Variants in HS6ST3 observed in about 807,000 individuals in gnomAD.
HS6ST3 encodes heparan-sulfate 6-O-sulfotransferase 3.
A neutral mutation model predicts 36.7 loss-of-function variants in HS6ST3; 12 were observed. That is an observed-to-expected ratio of 0.33 (90% confidence interval 0.21 to 0.53). The LOEUF (loss-of-function observed/expected upper bound fraction) is 0.53. Ranked by LOEUF, HS6ST3 falls within the 20% of genes least tolerant of loss-of-function variation. The pLI is 0.95. For synonymous variants in HS6ST3, 240 were observed against 257.5 expected, an observed-to-expected ratio of 0.93 and a Z score of 0.65; for missense variants, 584 against 640.9, an observed-to-expected ratio of 0.91 and a Z score of 0.96.
chr13:96,104,892 C>T (rs1269673371), intron 1 of HS6ST3, among the ~76,000 whole-genome samples: 1 of 152,096 alleles, frequency 6.6e-6, no homozygotes, highest in Non-Finnish European at 1.5e-5. Context: ...TAAAATCCTT[C>T]TTTTTCATGA....
intron 1 of HS6ST3, among the ~76,000 whole-genome samples, chr13:96,686,095 G>T (rs1179922281): frequency 6.6e-6 from 1 of 151,874 alleles, no homozygotes; most frequent in Admixed American, 6.6e-5. Context: ...GGAGGAAGGC[G>T]TTTGCCTGCA....
chr13:96,164,531 T>G (rs1372075751), intron 1 of HS6ST3, among the ~76,000 whole-genome samples: 2 of 151,062 alleles, frequency 1.3e-5, no homozygotes, highest in Non-Finnish European at 2.9e-5. Flanking sequence ...CACTCTAGCC[T>G]GGGAGACAGA....
At chr13:96,142,657 A>G (rs775094291) in intron 1 of HS6ST3, among the ~76,000 whole-genome samples, 8 of 152,192 alleles carry the variant, frequency 5.3e-5, no homozygotes, top group Non-Finnish European at 8.8e-5. Flanking sequence ...GGTAGTTATG[A>G]TACACGGGAA....
At chr13:96,344,454 T>C (rs1179867571) in intron 1 of HS6ST3, among the ~76,000 whole-genome samples, 2 of 152,206 alleles carry the variant, frequency 1.3e-5, no homozygotes, top group Non-Finnish European at 2.9e-5. Context: ...TAGCTGATGG[T>C]CAAAACGCCA....
At chr13:96,660,148 T>C (rs2056641447) in intron 1 of HS6ST3, among the ~76,000 whole-genome samples, 2 of 152,120 alleles carry the variant, frequency 1.3e-5, no homozygotes, top group Non-Finnish European at 2.9e-5. Flanking sequence ...AGAAAGCCTC[T>C]ATTTTGTAGT....
At chr13:96,281,578 A>T (rs1314031401) in intron 1 of HS6ST3, among the ~76,000 whole-genome samples, 1 of 152,202 alleles carries the variant, frequency 6.6e-6, no homozygotes, top group Non-Finnish European at 1.5e-5. Context: ...AAATAGCCAT[A>T]CTGTCACCAG....
rs375369063 is a variant in HS6ST3 at position 96,540,399 on chromosome 13, C to T, written c.708-292091C>T. Among the ~76,000 whole-genome samples the T allele has an allele frequency of 1.2e-4, 19 of 152,198 alleles. 1 individual carries two copies. The highest frequency in any genetic ancestry group is 8.5e-4 in the Admixed American group (13 of 15,296). ...TTTATCATAAGCTTGTGAATGTATA[C>T]ATCTGTTTGTCTTTTGCTTGCTTAA... is the stretch of plus-strand genomic sequence containing the variant. On this transcript the variant is annotated intron_variant, in intron 1 of 1. Transcript: ENST00000376705.
chr13:96,791,572 G>A (rs1877795115), intron 1 of HS6ST3, among the ~76,000 whole-genome samples: 1 of 152,016 alleles, frequency 6.6e-6, no homozygotes, highest in Admixed American at 6.6e-5. Context: ...AAAAAGTAAT[G>A]TGTGTTATTT....
At chr13:96,124,587 T>C (rs527545556) in intron 1 of HS6ST3, among the ~76,000 whole-genome samples, 3 of 152,176 alleles carry the variant, frequency 2.0e-5, no homozygotes, top group Non-Finnish European at 4.4e-5. Context: ...GGATGGATGA[T>C]TCTTTGGTAT....
chr13:96,574,419 T>G (rs1252174477), intron 1 of HS6ST3: 5 of 517,522 alleles, frequency 9.7e-6, no homozygotes, highest in African/African-American at 2.0e-5. Flanking sequence ...AAGGTGACAA[T>G]CAGTTTTGCA....
rs143908556 is a variant in HS6ST3, at chr13:96,657,449, A to C, written c.708-175041A>C. 2.4e-4 allele frequency among the ~76,000 whole-genome samples: 36 copies of C among 152,220 alleles called. No homozygotes were observed. The East Asian group carries it at 5.1e-3, about 21-fold the overall frequency. ...AGTGGGAGGATCGCTTGAACCTGGG[A>C]GGTCAAAGATGCAGTGAGCTGAGAT... On this transcript the variant is annotated intron_variant, in intron 1 of 1. Transcript: ENST00000376705.
chr13:96,650,550 A>T lies in HS6ST3; in HGVS notation c.708-181940A>T, dbSNP rs998962324. 2.0e-5 allele frequency among the ~76,000 whole-genome samples: 3 copies of T among 152,042 alleles called. No individual in the cohort carries two copies. The East Asian group carries it at 5.8e-4, about 29-fold the overall frequency. On this transcript the variant is annotated intron_variant, in intron 1 of 1. Coordinates refer to ENST00000376705, the MANE Select transcript of HS6ST3 (RefSeq NM_153456.4). ...TGAGGCTGGGATGAGGGATTTGTTT[A>T]TCTGAAACAACCAAGAACAGAAAGA...
In HS6ST3 at chr13:96,380,236, T is replaced by C. The variant is rs906802189; in HGVS notation, c.707+288667T>C. On this transcript the variant is annotated intron_variant, in intron 1 of 1. Coordinates refer to ENST00000376705, the MANE Select transcript of HS6ST3 (RefSeq NM_153456.4). ...GTGTTCCCAGATGACATATGAATCT[T>C]ATAACAGATACTAGTTTTAAGTTAG... Among the ~76,000 whole-genome samples, 5 of 151,624 alleles carry C rather than the reference T, an allele frequency of 3.3e-5. No individual in the cohort carries two copies. In the Admixed American group the frequency reaches 3.3e-4, roughly 10 times the overall value.
At chr13:96,532,326 A>C (rs1187699518) in intron 1 of HS6ST3, among the ~76,000 whole-genome samples, 1 of 152,250 alleles carries the variant, frequency 6.6e-6, no homozygotes. Context: ...CCCGATGAGA[A>C]ATACAAGGCT....
chr13:96,746,986 C>T (rs1594850812), intron 1 of HS6ST3, among the ~76,000 whole-genome samples: 3 of 152,134 alleles, frequency 2.0e-5, no homozygotes, highest in Middle Eastern at 3.4e-3. Context: ...TAATATTTTT[C>T]AAAAAGCTTT....
intron 1 of HS6ST3, among the ~76,000 whole-genome samples, chr13:96,799,748 T>A (rs1276352720): frequency 6.7e-6 from 1 of 150,346 alleles, no homozygotes; most frequent in South Asian, 2.1e-4. Context: ...AACCTGCACA[T>A]TGTGCACATG....
chr13:96,526,216 G>A (rs1594800036), intron 1 of HS6ST3, among the ~76,000 whole-genome samples: 1 of 152,128 alleles, frequency 6.6e-6, no homozygotes, highest in Non-Finnish European at 1.5e-5. Context: ...AGATCCAGGG[G>A]GGACACAGGT....
intron 1 of HS6ST3, among the ~76,000 whole-genome samples, chr13:96,108,753 A>G (rs997559098): frequency 9.9e-5 from 15 of 152,222 alleles, no homozygotes; most frequent in African/African-American, 3.6e-4. Context: ...AAGAGAGCAG[A>G]AAATAAAAAA....
At chr13:96,602,607 C>T (rs1427427885) in intron 1 of HS6ST3, among the ~76,000 whole-genome samples, 1 of 152,144 alleles carries the variant, frequency 6.6e-6, no homozygotes, top group Non-Finnish European at 1.5e-5. Flanking sequence ...CCCAGAGCTG[C>T]TGAGGGCTTT....
Sources: gnomAD v4.1 joint callset for allele counts (sites outside exome capture counted in the v4.1 genomes callset) on GRCh38, gnomAD v4.1.1 for gene constraint, MANE v1.5 for transcripts, NCBI Gene and HGNC (gene_info 2026-07-23, HGNC 2026-07-21) for gene names.